The following FSHR variants were observed in gnomAD, a reference collection of about 807,000 sequenced individuals.
FSHR encodes the protein follicle-stimulating hormone receptor.
In FSHR, 46 loss-of-function variants were observed where a neutral mutation model predicts 52.1. That is an observed-to-expected ratio of 0.88 (90% CI 0.70 to 1.13). The LOEUF (loss-of-function observed/expected upper bound fraction) is 1.13. Among genes scored for constraint, FSHR ranks in the 50% most tolerant of loss-of-function variants. The pLI is 0.00. For missense variants in FSHR, 964 were observed against 834.6 expected, an observed-to-expected ratio of 1.16 and a Z score of -1.91; for synonymous variants, 399 against 309.6, an observed-to-expected ratio of 1.29 and a Z score of -3.03.
intron 2 of FSHR, among the ~76,000 whole-genome samples, chr2:49,039,944 G>A (rs2104279041): frequency 6.6e-6 from 1 of 151,454 alleles, no homozygotes; most frequent in East Asian, 1.9e-4. Flanking sequence ...TTCTATAGCA[G>A]GCATGTATTA....
At chr2:49,001,293 T>C (rs1215585960) in intron 4 of FSHR, among the ~76,000 whole-genome samples, 1 of 152,120 alleles carries the variant, frequency 6.6e-6, no homozygotes, top group African/African-American at 2.4e-5. Context: ...AACTGAGGCT[T>C]AGAGAGTTCA....
At chr2:49,154,130 G>A (rs1444605223) in intron 1 of FSHR, 136 bp downstream of exon 1, 3 of 907,830 alleles carry the variant, frequency 3.3e-6, no homozygotes, top group Admixed American at 2.0e-5. Context: ...TGGGGAGTTA[G>A]TTGTTTTATT....
At chr2:49,069,422 A>G (rs1230278825) in intron 1 of FSHR, among the ~76,000 whole-genome samples, 2 of 152,062 alleles carry the variant, frequency 1.3e-5, no homozygotes, top group Non-Finnish European at 2.9e-5. Flanking sequence ...TAAAATGATA[A>G]TCTCCCAAAC....
intron 4 of FSHR, among the ~76,000 whole-genome samples, chr2:49,015,872 T>C (rs1351061869): frequency 6.6e-6 from 1 of 152,204 alleles, no homozygotes; most frequent in Non-Finnish European, 1.5e-5. Context: ...AGCAGTCCTC[T>C]GAGTGCGGGG....
chr2:49,124,760 C>A (rs778783473), intron 1 of FSHR, among the ~76,000 whole-genome samples: 3 of 152,206 alleles, frequency 2.0e-5, no homozygotes, highest in Non-Finnish European at 2.9e-5. Context: ...TCTCCTAAAT[C>A]ATCTTCCTGT....
intron 2 of FSHR, among the ~76,000 whole-genome samples, chr2:49,057,343 C>G (rs1429000161): frequency 6.6e-6 from 1 of 151,648 alleles, no homozygotes; most frequent in African/African-American, 2.4e-5. Context: ...ATGACAGTAG[C>G]AGTAGTAGTA....
At chr2:49,020,342 C>G (rs1049061279) in intron 2 of FSHR, among the ~76,000 whole-genome samples, 182 bp from the exon 3 acceptor site, 1 of 152,078 alleles carries the variant, frequency 6.6e-6, no homozygotes, top group East Asian at 1.9e-4. Context: ...TAACACTTAC[C>G]GAACAAGAGG....
rs191663523 is a variant in FSHR at position 49,147,262 on chromosome 2, C to T, written c.152+7004G>A. ...CAATTAAAAATAATTACTCTCTTTC[C>T]TAGCTGACCTTGTGGGCTATATAAG... On this transcript the variant is annotated intron_variant, in intron 1 of 9. Coordinates refer to ENST00000406846, the MANE Select transcript of FSHR (RefSeq NM_000145.4). Among the ~76,000 whole-genome samples, 26 of 152,110 alleles carry T rather than the reference C, an allele frequency of 1.7e-4. No homozygotes were observed. The East Asian group carries it at 5.0e-3, about 29-fold the overall frequency.
At chr2:49,080,824 T>C (rs774863928) in intron 1 of FSHR, among the ~76,000 whole-genome samples, 1 of 152,048 alleles carries the variant, frequency 6.6e-6, no homozygotes, top group Non-Finnish European at 1.5e-5. Context: ...AACCAACTAA[T>C]CCAAAGTCCA....
intron 5 of FSHR, 98 bp downstream of exon 5, chr2:48,990,468 G>A: frequency 1.2e-6 from 1 of 835,950 alleles, no homozygotes; most frequent in Non-Finnish European, 2.1e-6. Context: ...TACATTTGGA[G>A]GATGTAGACT....
chr2:49,090,105 C>G (rs745376457), intron 1 of FSHR, among the ~76,000 whole-genome samples: 2 of 150,290 alleles, frequency 1.3e-5, no homozygotes, highest in Non-Finnish European at 2.9e-5. Context: ...TCTTTTTTAA[C>G]TAACATACAG....
At chr2:48,989,306 GT>G (rs1404875899) in intron 5 of FSHR, among the ~76,000 whole-genome samples, 4 of 131,466 alleles carry the variant, frequency 3.0e-5, no homozygotes, top group Non-Finnish European at 6.1e-5. Flanking sequence ...TTTAAGACAG[GT>G]TCTCTTGCTC....
intron 4 of FSHR, among the ~76,000 whole-genome samples, chr2:49,014,445 T>G (rs1366234194): frequency 1.3e-5 from 2 of 152,062 alleles, no homozygotes; most frequent in African/African-American, 4.8e-5. Flanking sequence ...TCAGCCTTTT[T>G]CAGAGGCAAA....
At chr2:49,080,377 C>T (rs1670123776) in intron 1 of FSHR, among the ~76,000 whole-genome samples, 1 of 152,150 alleles carries the variant, frequency 6.6e-6, no homozygotes, top group Non-Finnish European at 1.5e-5. Context: ...CACCTGGGGT[C>T]AGACAAAACA....
intron 2 of FSHR, among the ~76,000 whole-genome samples, chr2:49,021,886 T>TATATATAGAGTGAGAGAGAG: frequency 4.0e-5 from 1 of 25,124 alleles, no homozygotes; most frequent in African/African-American, 1.5e-4. Context: ...TATATATATA[T>TATATATAGAGTGAGAGAGAG]AGAGAGAGAG....
At chr2:49,042,732 T>G (rs920915302) in intron 2 of FSHR, among the ~76,000 whole-genome samples, 2 of 152,238 alleles carry the variant, frequency 1.3e-5, no homozygotes, top group East Asian at 3.8e-4. Context: ...CTATGAGGTT[T>G]GTCATTCCTA....
At chr2:49,012,372 G>A (rs1257550286) in intron 4 of FSHR, among the ~76,000 whole-genome samples, 1 of 152,078 alleles carries the variant, frequency 6.6e-6, no homozygotes, top group Non-Finnish European at 1.5e-5. Flanking sequence ...ATCCTTTGAT[G>A]CATATTCTTC....
intron 1 of FSHR, among the ~76,000 whole-genome samples, chr2:49,076,394 G>A (rs1292829047): frequency 2.6e-5 from 4 of 152,158 alleles, no homozygotes; most frequent in Non-Finnish European, 4.4e-5. Context: ...ATCATCAGAT[G>A]TCATGAGACT....
At chr2:49,105,206 T>C (rs1444003832) in intron 1 of FSHR, among the ~76,000 whole-genome samples, 1 of 152,118 alleles carries the variant, frequency 6.6e-6, no homozygotes, top group African/African-American at 2.4e-5. Flanking sequence ...AGGAACAGCC[T>C]TGAAAAGTGA....
Sources: gnomAD v4.1 joint callset for allele counts (sites outside exome capture counted in the v4.1 genomes callset) on GRCh38, gnomAD v4.1.1 for gene constraint, MANE v1.5 for transcripts, NCBI Gene and HGNC (gene_info 2026-07-23, HGNC 2026-07-21) for gene names.